The following PDZRN4 variants were observed in gnomAD, a reference collection of about 807,000 sequenced individuals.
The protein encoded by PDZRN4 is PDZ domain containing ring finger 4, also known as PDZ domain-containing RING finger protein 4.
Under a neutral mutation model 99.0 loss-of-function variants are expected in PDZRN4, and 70 were observed. The ratio of observed to expected loss-of-function variants is 0.71; its 90% CI spans 0.58 to 0.86. The LOEUF is 0.86. Ranked by LOEUF, PDZRN4 falls within the 40% of genes least tolerant of loss-of-function variation. The pLI is 0.00. For missense variants in PDZRN4, 1,474 were observed against 1,331.2 expected, an observed-to-expected ratio of 1.11 and a Z score of -1.67; for synonymous variants, 551 against 501.6, an observed-to-expected ratio of 1.10 and a Z score of -1.32.
chr12:41,264,824 C>A (rs921596103), intron 3 of PDZRN4, among the ~76,000 whole-genome samples: 1 of 152,012 alleles, frequency 6.6e-6, no homozygotes, highest in Non-Finnish European at 1.5e-5. Context: ...GCAGCTGGAG[C>A]CATTATCTTA....
chr12:41,341,473 G>C (rs1951816388), intron 3 of PDZRN4, among the ~76,000 whole-genome samples: 1 of 151,718 alleles, frequency 6.6e-6, no homozygotes, highest in Non-Finnish European at 1.5e-5. Context: ...CTGAAAAACT[G>C]TTTGGACTAT....
intron 3 of PDZRN4, among the ~76,000 whole-genome samples, chr12:41,225,406 G>A (rs912235987): frequency 1.3e-5 from 2 of 149,198 alleles, no homozygotes; most frequent in Admixed American, 6.8e-5. Context: ...TTCATATTGG[G>A]AAGTATAATT....
In PDZRN4 at chr12:41,230,358, G is replaced by A. The variant is rs539289458; in HGVS notation, c.843+36170G>A. 3.9e-5 allele frequency among the ~76,000 whole-genome samples: 6 copies of A among 152,134 alleles called. No homozygotes were observed. The East Asian group carries it at 1.2e-3, about 29-fold the overall frequency. On this transcript the variant is annotated intron_variant, in intron 3 of 9. Transcript: ENST00000402685. ...TAGCCCCTCTACTTATCACTGGAAT[G>A]TGTTCAGGCAGGATAACTGTAATGA...
intron 3 of PDZRN4, among the ~76,000 whole-genome samples, chr12:41,328,665 A>G (rs879876795): frequency 6.6e-6 from 1 of 152,288 alleles, no homozygotes; most frequent in Non-Finnish European, 1.5e-5. Context: ...GTTCTTTCTA[A>G]GAGCCCATCA....
At chr12:41,377,676 T>A (rs939403316) in intron 3 of PDZRN4, among the ~76,000 whole-genome samples, 4 of 151,824 alleles carry the variant, frequency 2.6e-5, no homozygotes, top group African/African-American at 7.2e-5. Context: ...AAAAAAAAAA[T>A]TATAGTTTTC....
At chr12:41,361,770 G>C (rs912718024) in intron 3 of PDZRN4, among the ~76,000 whole-genome samples, 3 of 152,016 alleles carry the variant, frequency 2.0e-5, no homozygotes, top group Admixed American at 2.0e-4. Flanking sequence ...GAAGGGATCT[G>C]CACAGCACAT....
intron 3 of PDZRN4, among the ~76,000 whole-genome samples, chr12:41,420,185 T>G (rs1246109517): frequency 6.6e-6 from 1 of 152,158 alleles, no homozygotes; most frequent in Non-Finnish European, 1.5e-5. Flanking sequence ...GTCAGAATTG[T>G]CTTCTGCCTA....
At chr12:41,195,640 C>T (rs1950766376) in intron 3 of PDZRN4, among the ~76,000 whole-genome samples, 1 of 152,076 alleles carries the variant, frequency 6.6e-6, no homozygotes, top group Non-Finnish European at 1.5e-5. Flanking sequence ...AAAGAGGTCT[C>T]TTGTATCAAG....
At chr12:41,478,342 C>T (rs1937623975) in intron 3 of PDZRN4, among the ~76,000 whole-genome samples, 1 of 152,110 alleles carries the variant, frequency 6.6e-6, no homozygotes, top group Non-Finnish European at 1.5e-5. Flanking sequence ...TCTCCAGCTC[C>T]TGACCTCAGG....
chr12:41,204,368 A>G (rs1420836596), intron 3 of PDZRN4, among the ~76,000 whole-genome samples: 1 of 151,998 alleles, frequency 6.6e-6, no homozygotes, highest in Non-Finnish European at 1.5e-5. Context: ...AGAGTTCCTT[A>G]AGAAGAACTA....
At position 41,572,765 on chromosome 12, in the gene PDZRN4, G is replaced by A. The variant is rs1939505094; in HGVS notation, c.1986G>A (p.Val662=). 5 of 1,614,002 alleles carry A rather than the reference G, an allele frequency of 3.1e-6. No individual in the cohort carries two copies. Among genetic ancestry groups the A allele is most frequent in the Middle Eastern group, 1.6e-4 (1 of 6,084 alleles). ...GCAATCAAGGGGAGCAAGAGGGAGT[G>A]GAGCATGAGCTACAGTTGCTTAATG... ...IECNQGEQEG[V]EHELQLLNEE... The change falls in exon 10 of 10, where the codon GTG becomes GTA. Residue 662 remains valine, a synonymous_variant. Transcript: ENST00000402685.
At chr12:41,403,639 C>T (rs1289820456) in intron 3 of PDZRN4, among the ~76,000 whole-genome samples, 1 of 152,018 alleles carries the variant, frequency 6.6e-6, no homozygotes, top group Non-Finnish European at 1.5e-5. Flanking sequence ...TATTTCAGTC[C>T]TCACTGAAAA....
chr12:41,501,048 A>T (rs577598108), intron 3 of PDZRN4, among the ~76,000 whole-genome samples: 3 of 152,290 alleles, frequency 2.0e-5, no homozygotes, highest in African/African-American at 7.2e-5. Context: ...ATGTCCAACC[A>T]GAATTATAAT....
At position 41,191,560 on chromosome 12, in the gene PDZRN4, A is replaced by T; in HGVS notation, c.735+16A>T. On this transcript the variant is annotated intron_variant, in intron 2 of 9. Transcript: ENST00000402685. ...ACCAAATCAGGTAAAACACCTTGTT[A>T]ATGCATTACTCGTTACTTATAAAAT... 1 of 1,120,588 alleles carries T rather than the reference A, an allele frequency of 8.9e-7. No individual in the cohort carries two copies. The highest frequency in any genetic ancestry group is 1.3e-6 in the Non-Finnish European group (1 of 746,444). The allele number at this position is 1,120,588 out of a possible 1,614,324, so 69.4% of individuals were successfully genotyped here. A position where few individuals can be genotyped will look rare whatever the true frequency, so the allele number is the denominator to read the frequency against.
At chr12:41,498,712 G>A (rs991842053) in intron 3 of PDZRN4, among the ~76,000 whole-genome samples, 1 of 151,900 alleles carries the variant, frequency 6.6e-6, no homozygotes, top group East Asian at 1.9e-4. Flanking sequence ...ACCATAGCAG[G>A]GATATTCTAC....
intron 7 of PDZRN4, among the ~76,000 whole-genome samples, chr12:41,563,327 T>C (rs1163555701): frequency 6.6e-6 from 1 of 152,184 alleles, no homozygotes; most frequent in Admixed American, 6.5e-5. Flanking sequence ...TTTATGAACA[T>C]AACTGCTTCC....
intron 3 of PDZRN4, among the ~76,000 whole-genome samples, chr12:41,345,111 T>G (rs1201473883): frequency 6.6e-6 from 1 of 152,160 alleles, no homozygotes; most frequent in Non-Finnish European, 1.5e-5. Context: ...TTCATTTTTG[T>G]GTTTAAAGGA....
chr12:41,569,158 C>T (rs1276160098), intron 9 of PDZRN4, among the ~76,000 whole-genome samples: 4 of 151,360 alleles, frequency 2.6e-5, no homozygotes, highest in African/African-American at 9.7e-5. Context: ...CTCACTCTGT[C>T]GCCCAGGCTG....
chr12:41,573,129 G>A lies in PDZRN4; in HGVS notation c.2350G>A (p.Gly784Arg). ...STMAATQSSS[G>R]QSSKESTSTK... Reference sequence around the variant, plus strand: ...AATGGCAGCCACCCAGTCCTCTTCCGGACAGAGCAGTAAAGAGTCGACCTC... The same window carrying A: ...AATGGCAGCCACCCAGTCCTCTTCCAGACAGAGCAGTAAAGAGTCGACCTC... Residue 784 changes from glycine (G) to arginine (R), a missense_variant, in exon 10 of 10, where the codon GGA becomes AGA. Coordinates refer to ENST00000402685, the MANE Select transcript of PDZRN4 (RefSeq NM_001164595.2). 3 of 1,614,054 alleles carry A rather than the reference G, an allele frequency of 1.9e-6. No homozygotes were observed. The highest frequency in any genetic ancestry group is 2.2e-5 in the East Asian group (1 of 44,870).
Sources: allele counts gnomAD v4.1 joint callset (sites outside exome capture counted in the v4.1 genomes callset), GRCh38; gene constraint gnomAD v4.1.1; transcripts MANE v1.5; gene names NCBI Gene and HGNC (gene_info 2026-07-23, HGNC 2026-07-21).